Variants in P4HTM observed in about 807,000 individuals in gnomAD.
P4HTM encodes prolyl 4-hydroxylase, transmembrane.
A neutral mutation model predicts 55.3 loss-of-function variants in P4HTM; 33 were observed. The observed-to-expected ratio is 0.60, with a 90% CI of 0.45 to 0.80. The LOEUF is 0.80. Among genes scored for constraint, P4HTM ranks in the 30% least tolerant of loss-of-function variants. The pLI is 0.00. For missense variants in P4HTM, 542 were observed against 696.5 expected (o/e 0.78, Z 2.50); for synonymous variants, 272 against 286.4 (o/e 0.95, Z 0.51).
chr3:49,005,447 C>T, intron 6 of P4HTM: 1 of 1,378,126 alleles, frequency 7.3e-7, no homozygotes, highest in Non-Finnish European at 9.3e-7. Flanking sequence ...TGTTCTGGCC[C>T]AGCCCCTTCC....
At chr3:49,001,358 GA>G (rs1326800012) in intron 2 of P4HTM, 79 bp from the exon 3 acceptor site, 3 of 1,350,452 alleles carry the variant, frequency 2.2e-6, no homozygotes, top group Non-Finnish European at 2.1e-6. Context: ...AGTACCCCAG[GA>G]ACCCTGAAGG....
Position 49,006,854 on chromosome 3 carries a change from C to T in P4HTM, c.1456C>T (p.Gln486Ter). 1 of 1,613,208 alleles carries T rather than the reference C, an allele frequency of 6.2e-7. No homozygotes were observed. The highest frequency in any genetic ancestry group is 8.5e-7 in the Non-Finnish European group (1 of 1,180,008). The change falls in exon 9 of 9, where the codon CAG becomes TAG. Residue 486 changes from glutamine to a stop codon, truncating the protein, a stop_gained. Transcript: ENST00000383729. LOFTEE classifies it high-confidence loss of function. ...TGCCCGAGAAGGGGGCACCGACTCACAGCCCGAGTGGGCTCTGGACCGGGC... is the reference window on the plus strand; with the variant it reads ...TGCCCGAGAAGGGGGCACCGACTCATAGCCCGAGTGGGCTCTGGACCGGGC... ...RLAREGGTDS[Q>*]PEWALDRAYR... is the part of the protein sequence containing the mutation.
At chr3:49,005,146 G>A in intron 6 of P4HTM, 100 bp downstream of exon 6, 5 of 1,610,790 alleles carry the variant, frequency 3.1e-6, no homozygotes, top group Non-Finnish European at 4.2e-6. Flanking sequence ...TTGGCATGGG[G>A]CCAGGAGATC....
chr3:48,991,477 C>T (rs1244782018), intron 2 of P4HTM: 1 of 152,706 alleles, frequency 6.5e-6, no homozygotes, highest in African/African-American at 2.4e-5. Context: ...CAGTTGGAGC[C>T]ACAACATAGC....
At chr3:48,996,146 A>G (rs1363646266) in intron 2 of P4HTM, 2 of 152,358 alleles carry the variant, frequency 1.3e-5, no homozygotes, top group Admixed American at 1.3e-4. Context: ...TTCTAAATGT[A>G]TTCTTTTTCA....
At chr3:49,004,594 G>A in intron 5 of P4HTM, 2 of 561,718 alleles carry the variant, frequency 3.6e-6, no homozygotes, top group African/African-American at 1.9e-5. Context: ...CAGGGAGGAG[G>A]ACCTCAGGAC....
rs1357275105 is a variant in P4HTM, at chr3:48,999,454, C to T, written c.437-1984C>T. 6.0e-6 allele frequency: 1 copy of T among 167,338 alleles called. No individual in the cohort carries two copies. Among genetic ancestry groups the T allele is most frequent in the Non-Finnish European group, 1.5e-5 (1 of 68,384 alleles). 10.4% of individuals were successfully genotyped at this position (167,338 alleles called of 1,614,324 possible). A position where few individuals can be genotyped will look rare whatever the true frequency, so the allele number is the denominator to read the frequency against. The stretch of plus-strand genomic sequence containing the variant: ...GGAATGGGCATGCACCTCATGCAGC[C>T]CCAGGGAGCCCCTGACCCTGCTGTC... On this transcript the variant is annotated intron_variant, in intron 2 of 8. Transcript: ENST00000383729. The surrounding 1 kb of genome is among the most constrained non-coding windows in gnomAD (Gnocchi z 4.8).
In P4HTM at chr3:49,006,904, C is replaced by G. The variant is rs527458356; in HGVS notation, c.1506C>G (p.Leu502=). 3.1e-6 allele frequency: 5 copies of G among 1,610,958 alleles called. No homozygotes were observed. Among genetic ancestry groups the G allele is most frequent in the South Asian group, 2.2e-5 (2 of 90,942 alleles). Residue 502 remains leucine (L), a synonymous_variant, in exon 9 of 9, where the codon CTC becomes CTG. Coordinates refer to ENST00000383729, the MANE Select transcript of P4HTM (RefSeq NM_177939.3). Reference sequence around the variant, plus strand: ...CCTACCGCGATGCGCGCGTGGAACTCTGAGGGAAGAGTTAGCCCCGGTTCC... The same window carrying G: ...CCTACCGCGATGCGCGCGTGGAACTGTGAGGGAAGAGTTAGCCCCGGTTCC... ...DRAYRDARVE[L] is the part of the protein sequence containing the mutation.
upstream of P4HTM, chr3:48,989,917 C>G (rs1371264631): frequency 6.4e-6 from 1 of 156,276 alleles, no homozygotes; most frequent in Non-Finnish European, 1.4e-5. Context: ...AAGAGGGCGT[C>G]TTCACGCAGG....
At chr3:49,005,975 T>C in intron 7 of P4HTM, 89 bp from the exon 8 acceptor site, 1 of 1,554,142 alleles carries the variant, frequency 6.4e-7, no homozygotes, top group East Asian at 2.3e-5. Context: ...TCCTTGGGCA[T>C]ATCTGGTTGG....
chr3:48,990,429 G>T lies in P4HTM; in HGVS notation c.173G>T (p.Arg58Leu). The T allele has an allele frequency of 6.2e-7, 1 of 1,607,568 alleles. No homozygotes were observed. ...TGCAAGCCCCGCGGCATCTGCTCGCGCGCCTACTTCCTGGTGCTGATGGTG... is the reference window on the plus strand; with the variant it reads ...TGCAAGCCCCGCGGCATCTGCTCGCTCGCCTACTTCCTGGTGCTGATGGTG... Reference protein sequence around the residue: ...PLCKPRGICSRAYFLVLMVFV... With the variant: ...PLCKPRGICSLAYFLVLMVFV... The change falls in exon 1 of 9, where the codon CGC (arginine) becomes CTC (leucine). Residue 58 changes from arginine to leucine, a missense_variant. Arg to Leu is a moderately radical substitution (Grantham distance 102, BLOSUM62 -2). This residue lies in a region of P4HTM where 536 missense variants were observed against 672.1 expected (regional missense o/e 0.80). Transcript: ENST00000383729. The surrounding 1 kb of genome is among the most constrained non-coding windows in gnomAD (Gnocchi z 7.2).
At chr3:49,005,313 G>C in intron 6 of P4HTM, 1 of 1,435,790 alleles carries the variant, frequency 7.0e-7, no homozygotes, top group Non-Finnish European at 9.1e-7. Context: ...TCTGAAGCAA[G>C]GGGCAAGGCT....
At chr3:49,005,752 G>A (rs769461164) in intron 6 of P4HTM, 25 bp from the exon 7 acceptor site, 2 of 1,584,744 alleles carry the variant, frequency 1.3e-6, no homozygotes, top group East Asian at 4.5e-5. Flanking sequence ...CTGGGGACCT[G>A]CTCAGTGCCC....
chr3:49,001,768 G>A (rs2092961964), intron 3 of P4HTM, 140 bp downstream of exon 3: 1 of 709,864 alleles, frequency 1.4e-6, no homozygotes. Flanking sequence ...CCCAGACCCA[G>A]GAGGTCCCCT....
chr3:48,990,717 G>A lies in P4HTM; in HGVS notation c.354+107G>A, dbSNP rs1250047432. ...GCTGCCCCCGGCGCTGCTCTGCGTC[G>A]GTCCCGCGCGCTCCCACTCACTCGC... is the stretch of plus-strand genomic sequence containing the variant. On this transcript the variant is annotated intron_variant, in intron 1 of 8. Coordinates refer to ENST00000383729, the MANE Select transcript of P4HTM (RefSeq NM_177939.3). This position sits in a 1 kb window ranked among gnomAD's most constrained non-coding sequence, Gnocchi z 7.2. 25 of 1,467,440 alleles carry A rather than the reference G, an allele frequency of 1.7e-5. No homozygotes were observed. In the East Asian group the frequency reaches 6.2e-4, roughly 36 times the overall value. 90.9% of individuals were successfully genotyped at this position (1,467,440 alleles called of 1,614,324 possible). A position where few individuals can be genotyped will look rare whatever the true frequency, so the allele number is the denominator to read the frequency against.
In P4HTM at chr3:49,002,472, C is replaced by T. The variant is rs1188346784; in HGVS notation, c.628-28C>T. The T allele has an allele frequency of 9.8e-6, 15 of 1,536,200 alleles. No homozygotes were observed. Among genetic ancestry groups the T allele is most frequent in the African/African-American group, 1.4e-5 (1 of 73,518 alleles). ...TGCTGGCTCTCCATCACTGGGGTCA[C>T]CCACTGAGGGACCCTCTTATGCTTT... On this transcript the variant is annotated intron_variant, in intron 3 of 8. Transcript: ENST00000383729. This position sits in a 1 kb window ranked among gnomAD's most constrained non-coding sequence, Gnocchi z 4.4.
rs1245830304 is a variant in P4HTM at position 48,999,169 on chromosome 3, G to A, written c.437-2269G>A. 6.6e-6 allele frequency: 1 copy of A among 152,204 alleles called. No individual in the cohort carries two copies. The highest frequency in any genetic ancestry group is 6.5e-5 in the Admixed American group (1 of 15,286). The allele number at this position is 152,204 out of a possible 1,614,324, so 9.4% of individuals were successfully genotyped here. A position where few individuals can be genotyped will look rare whatever the true frequency, so the allele number is the denominator to read the frequency against. On this transcript the variant is annotated intron_variant, in intron 2 of 8. Transcript: ENST00000383729. This position sits in a 1 kb window ranked among gnomAD's most constrained non-coding sequence, Gnocchi z 4.8. ...GATAGGTGCTCAGGTGCTCAGCAAGGATTACTGAAGACCTGAGCCACCAGA... is the reference window on the plus strand; with the variant it reads ...GATAGGTGCTCAGGTGCTCAGCAAGAATTACTGAAGACCTGAGCCACCAGA...
At position 49,002,555 on chromosome 3, in the gene P4HTM, A is replaced by G. The variant is rs769472844; in HGVS notation, c.683A>G (p.Gln228Arg). 8 of 1,613,928 alleles carry G rather than the reference A, an allele frequency of 5.0e-6. No individual in the cohort carries two copies. In the African/African-American group the frequency reaches 8.0e-5, roughly 16 times the overall value. The change falls in exon 4 of 9, where the codon CAG becomes CGG. Residue 228 changes from glutamine to arginine, a missense_variant. Transcript: ENST00000383729. The surrounding 1 kb of genome is among the most constrained non-coding windows in gnomAD (Gnocchi z 4.4). ...NGWWMTPESIQEMYAAIKADP... is the reference protein window; with the variant it reads ...NGWWMTPESIREMYAAIKADP... ...TGGTGGATGACTCCAGAGAGCATTC[A>G]GGAGATGTACGCCGCGATCAAGGCT...
At chr3:49,001,125 C>G in intron 2 of P4HTM, 1 of 444,798 alleles carries the variant, frequency 2.2e-6, no homozygotes, top group Non-Finnish European at 4.2e-6. Context: ...GGATCACTCT[C>G]TAGCCTTCAG....
Sources: gnomAD v4.1 joint callset for allele counts on GRCh38, gnomAD v4.1.1 for gene constraint, gnomAD v4.1.1 regional missense constraint, Gnocchi (gnomAD v3.1) non-coding constraint, MANE v1.5 for transcripts, NCBI Gene and HGNC (gene_info 2026-07-23, HGNC 2026-07-21) for gene names.